The following CHEK2 variants were observed in gnomAD, a reference collection of about 807,000 sequenced individuals.
The protein encoded by CHEK2 is checkpoint kinase 2, also known as serine/threonine-protein kinase Chk2.
CHEK2 carries 71 observed loss-of-function variants against 69.1 expected under a neutral mutation model. The ratio of observed to expected loss-of-function variants is 1.03; its 90% CI spans 0.85 to 1.25. The LOEUF (loss-of-function observed/expected upper bound fraction) is 1.25. Among genes scored for constraint, CHEK2 ranks in the 50% most tolerant of loss-of-function variants. CHEK2 has a pLI of 0.00. For synonymous variants in CHEK2, 189 were observed against 226.9 expected (o/e 0.83, Z 1.50); for missense variants, 664 against 649.6 (o/e 1.02, Z -0.24).
At chr22:28,700,612 T>A (rs1389205756) in intron 8 of CHEK2, among the ~76,000 whole-genome samples, 3 of 152,164 alleles carry the variant, frequency 2.0e-5, no homozygotes, top group Non-Finnish European at 4.4e-5. Context: ...ATCTGAACCC[T>A]AACTCTACCA....
At chr22:28,701,681 T>C (rs1010487638) in intron 8 of CHEK2, among the ~76,000 whole-genome samples, 5 of 152,152 alleles carry the variant, frequency 3.3e-5, no homozygotes, top group African/African-American at 1.2e-4. Flanking sequence ...TTATTCTGAT[T>C]ACACCAAATA....
At position 28,707,876 on chromosome 22, in the gene CHEK2, G is replaced by A. The variant is rs979103161; in HGVS notation, c.846+2130C>T. On this transcript the variant is annotated intron_variant, in intron 7 of 14. Transcript: ENST00000404276. ...TTGTGAGACGGAGTCTCGCTCTGTT[G>A]CCCAGGCTGGAGTGCAGTGGCACAA... Among the ~76,000 whole-genome samples the A allele has an allele frequency of 7.9e-5, 9 of 114,330 alleles. No individual in the cohort carries two copies. The South Asian group carries it at 2.0e-3, about 26-fold the overall frequency. The allele number at this position is 114,330 out of a possible 152,430, so 75.0% of individuals were successfully genotyped here.
intron 7 of CHEK2, 23 bp from the exon 8 acceptor site, chr22:28,703,589 G>A (rs2145879703): frequency 1.4e-6 from 2 of 1,477,814 alleles, no homozygotes; most frequent in East Asian, 2.3e-5. Context: ...GGAGAAAAAA[G>A]GGAAAGTAGT....
intron 2 of CHEK2, among the ~76,000 whole-genome samples, chr22:28,732,330 C>T (rs2054244046): frequency 1.3e-5 from 2 of 152,092 alleles, no homozygotes; most frequent in African/African-American, 2.4e-5. Context: ...AGGCTGGTCT[C>T]GAACTCCCGA....
intron 2 of CHEK2, among the ~76,000 whole-genome samples, chr22:28,728,395 G>C (rs1041031456): frequency 1.3e-5 from 2 of 152,054 alleles, no homozygotes; most frequent in African/African-American, 4.8e-5. Context: ...AGAAGAAACA[G>C]AAAATCTGAA....
At chr22:28,739,098 A>C (rs2054490809) in intron 1 of CHEK2, among the ~76,000 whole-genome samples, 2 of 151,364 alleles carry the variant, frequency 1.3e-5, no homozygotes, top group Non-Finnish European at 2.9e-5. Flanking sequence ...GCAAAACCAC[A>C]TCTCTACTAA....
chr22:28,708,259 G>A (rs2053232076), intron 7 of CHEK2, among the ~76,000 whole-genome samples: 2 of 152,040 alleles, frequency 1.3e-5, no homozygotes, highest in African/African-American at 4.8e-5. Context: ...TCAGGAGGCT[G>A]AGGCAGGAGT....
At chr22:28,701,040 C>T (rs1266644561) in intron 8 of CHEK2, among the ~76,000 whole-genome samples, 4 of 151,980 alleles carry the variant, frequency 2.6e-5, no homozygotes, top group African/African-American at 9.7e-5. Flanking sequence ...CTGCTCCCCT[C>T]GGCCTCTCAA....
At chr22:28,726,564 TAATAATA>T (rs1171997091) in intron 2 of CHEK2, among the ~76,000 whole-genome samples, 2 of 145,690 alleles carry the variant, frequency 1.4e-5, no homozygotes, top group Non-Finnish European at 3.0e-5. Context: ...TCTAAATATA[TAATAATA>T]TATAATATAT....
chr22:28,732,000 A>G (rs1175042221), intron 2 of CHEK2, among the ~76,000 whole-genome samples: 2 of 152,176 alleles, frequency 1.3e-5, no homozygotes, highest in Admixed American at 6.6e-5. Context: ...GGACTGCAGT[A>G]GCGCAATCTC....
intron 9 of CHEK2, among the ~76,000 whole-genome samples, 178 bp from the exon 10 acceptor site, chr22:28,697,165 A>G (rs2052624614): frequency 6.6e-6 from 1 of 152,228 alleles, no homozygotes; most frequent in Non-Finnish European, 1.5e-5. Flanking sequence ...GTTTGAGAAG[A>G]TCTTTAAAAA....
chr22:28,717,364 C>T (rs1464759107), intron 5 of CHEK2, among the ~76,000 whole-genome samples: 1 of 151,866 alleles, frequency 6.6e-6, no homozygotes, highest in Admixed American at 6.6e-5. Context: ...GGTGACAGAG[C>T]GAGACTCCAT....
At chr22:28,697,103 A>C in intron 9 of CHEK2, 116 bp from the exon 10 acceptor site, 1 of 711,496 alleles carries the variant, frequency 1.4e-6, no homozygotes, top group Non-Finnish European at 2.6e-6. Flanking sequence ...TGATACACAC[A>C]ACCATATTCT....
chr22:28,698,796 G>T (rs17880768), intron 9 of CHEK2, among the ~76,000 whole-genome samples: 62 of 152,210 alleles, frequency 4.1e-4, no homozygotes, highest in African/African-American at 1.5e-3. Flanking sequence ...CGAACAGGAT[G>T]CTGCACCTGA....
chr22:28,691,904 C>A (rs535212267), intron 13 of CHEK2, among the ~76,000 whole-genome samples: 1 of 152,204 alleles, frequency 6.6e-6, no homozygotes, highest in Non-Finnish European at 1.5e-5. Flanking sequence ...TTGGTTTTTT[C>A]AAAAACACTG....
At chr22:28,698,952 G>C (rs575187110) in intron 9 of CHEK2, among the ~76,000 whole-genome samples, 6 of 152,212 alleles carry the variant, frequency 3.9e-5, no homozygotes, top group Non-Finnish European at 7.4e-5. Flanking sequence ...AAGAACTAAT[G>C]ATCAAGACCC....
rs1044394234 is a variant in CHEK2, at chr22:28,707,626, T to C, written c.846+2380A>G. 2.0e-5 allele frequency among the ~76,000 whole-genome samples: 3 copies of C among 152,294 alleles called. No individual in the cohort carries two copies. In the South Asian group the frequency reaches 6.2e-4, roughly 32 times the overall value. On this transcript the variant is annotated intron_variant, in intron 7 of 14. Transcript: ENST00000404276. ...CTTGGCCACTAGACTCTACTTATTGTCCCCAAGCATCAAAATGCACTCATG... is the reference window on the plus strand; with the variant it reads ...CTTGGCCACTAGACTCTACTTATTGCCCCCAAGCATCAAAATGCACTCATG...
intron 4 of CHEK2, among the ~76,000 whole-genome samples, chr22:28,723,454 T>C (rs1268304091): frequency 6.7e-6 from 1 of 150,020 alleles, no homozygotes; most frequent in Admixed American, 6.7e-5. Flanking sequence ...AAAAATTAGG[T>C]GGGCGTGGTG....
intron 5 of CHEK2, among the ~76,000 whole-genome samples, chr22:28,713,481 C>G (rs533313649): frequency 6.6e-6 from 1 of 150,646 alleles, no homozygotes; most frequent in African/African-American, 2.4e-5. Flanking sequence ...CTCAGCCTCC[C>G]GAGTAGCTGG....
Sources: allele counts gnomAD v4.1 joint callset (sites outside exome capture counted in the v4.1 genomes callset), GRCh38; gene constraint gnomAD v4.1.1; transcripts MANE v1.5; gene names NCBI Gene and HGNC (gene_info 2026-07-23, HGNC 2026-07-21).